The following KLHL31 variants were observed in gnomAD, a reference collection of about 807,000 sequenced individuals.
KLHL31 encodes the protein kelch-like protein 31.
Under a neutral mutation model 47.1 loss-of-function variants are expected in KLHL31, and 32 were observed. That is an observed-to-expected ratio of 0.68 (90% CI 0.51 to 0.91). The LOEUF is 0.91. Ranked by LOEUF, KLHL31 falls within the 40% of genes least tolerant of loss-of-function variation. The pLI, the probability that KLHL31 is intolerant of heterozygous loss-of-function variation, is 0.00. For missense variants in KLHL31, 797 were observed against 819.3 expected (o/e 0.97, Z 0.33); for synonymous variants, 330 against 325.1 (o/e 1.01, Z -0.16).
intron 1 of KLHL31, among the ~76,000 whole-genome samples, chr6:53,660,525 G>C (rs967051915): frequency 6.6e-6 from 1 of 152,162 alleles, no homozygotes; most frequent in African/African-American, 2.4e-5. Flanking sequence ...TAAGAAACTT[G>C]AAGTCAGGCT....
rs541366103 is a variant in KLHL31, at chr6:53,665,190, G to T, written c.-34+411C>A. 1.1e-3 allele frequency among the ~76,000 whole-genome samples: 170 copies of T among 152,092 alleles called. 1 individual carries two copies. Among genetic ancestry groups the T allele is most frequent in the South Asian group, 2.7e-3 (13 of 4,816 alleles). ...ACTGATCAGTAACAAATGTTAAAATGATTCTTGATAAAAATAAAGGTAGAA... is the reference window on the plus strand; with the variant it reads ...ACTGATCAGTAACAAATGTTAAAATTATTCTTGATAAAAATAAAGGTAGAA... On this transcript the variant is annotated intron_variant, in intron 1 of 2. Transcript: ENST00000370905.
At chr6:53,657,542 T>C (rs1170780349) in intron 1 of KLHL31, among the ~76,000 whole-genome samples, 1 of 152,128 alleles carries the variant, frequency 6.6e-6, no homozygotes, top group African/African-American at 2.4e-5. Context: ...ATATCATACA[T>C]TGTTCAACTA....
At chr6:53,658,699 C>T (rs753034473) in intron 1 of KLHL31, among the ~76,000 whole-genome samples, 2 of 151,772 alleles carry the variant, frequency 1.3e-5, no homozygotes, top group African/African-American at 2.4e-5. Context: ...CTTTGTGATC[C>T]GAATAGAATT....
chr6:53,659,295 T>TA (rs764605208), intron 1 of KLHL31, among the ~76,000 whole-genome samples: 1 of 152,162 alleles, frequency 6.6e-6, no homozygotes, highest in Admixed American at 6.5e-5. Context: ...ATGAGATTTT[T>TA]AAAAAACACC....
In KLHL31 at chr6:53,651,794, A is replaced by G. The variant is rs767600623; in HGVS notation, c.1709T>C (p.Val570Ala). ...CTTCTCGCCCTCGTTCCAGCCCCCC[A>G]CCAGGTAGGCGCGGCCATGCAGCGC... ...VSALHGRAYL[V>A]GGWNEGEKKY... The change falls in exon 3 of 3, where the codon GTG becomes GCG. Residue 570 changes from valine (V) to alanine (A), a missense_variant. Transcript: ENST00000370905. The G allele has an allele frequency of 1.2e-5, 20 of 1,613,178 alleles. No homozygotes were observed. The highest frequency in any genetic ancestry group is 4.5e-5 in the East Asian group (2 of 44,852).
intron 1 of KLHL31, among the ~76,000 whole-genome samples, chr6:53,658,510 G>A (rs568113865): frequency 1.3e-5 from 2 of 152,114 alleles, no homozygotes; most frequent in African/African-American, 2.4e-5. Flanking sequence ...TGCTGGACCT[G>A]GGTCCCAGCA....
chr6:53,660,096 C>G lies in KLHL31; in HGVS notation c.-33-4791G>C, dbSNP rs548549334. ...CGAGCTAACCAGTTAATGGGCAGAT[C>G]TACTCTTTTTCCCGGATATGCATGG... On this transcript the variant is annotated intron_variant, in intron 1 of 2. Transcript: ENST00000370905. Among the ~76,000 whole-genome samples the G allele has an allele frequency of 2.3e-3, 348 of 152,264 alleles. 3 individuals are homozygous for G. Among genetic ancestry groups the G allele is most frequent in the African/African-American group, 8.1e-3 (336 of 41,554 alleles).
Position 53,651,751 on chromosome 6 carries a change from G to A in KLHL31, c.1752C>T (p.Ile584=). ...CGTTGAGCTCGGGGCTGAAGCACTG[G>A]ATGCACTTCTTGTACTTCTTCTCGC... ...NEGEKKYKKC[I]QCFSPELNEW... Residue 584 remains isoleucine, a synonymous_variant, in exon 3 of 3, where the codon ATC becomes ATT. Transcript: ENST00000370905. 2 of 1,614,096 alleles carry A rather than the reference G, an allele frequency of 1.2e-6. No individual in the cohort carries two copies. The highest frequency in any genetic ancestry group is 1.7e-6 in the Non-Finnish European group (2 of 1,180,028).
rs114563505 is a variant in KLHL31 at position 53,652,936 on chromosome 6, C to A, written c.1173-606G>T. Among the ~76,000 whole-genome samples, 1,183 of 152,250 alleles carry A rather than the reference C, an allele frequency of 7.8e-3. 17 individuals are homozygous for A. The highest frequency in any genetic ancestry group is 0.026 in the African/African-American group (1,099 of 41,540). ...CTTCTCTTGTCTGTTAGACTGAGAC[C>A]AATAGAACTGTCTAAAAGCATCAAC... On this transcript the variant is annotated intron_variant, in intron 2 of 2. Coordinates refer to ENST00000370905, the MANE Select transcript of KLHL31 (RefSeq NM_001003760.5).
At position 53,655,030 on chromosome 6, in the gene KLHL31, G is replaced by A. The variant is rs993907256; in HGVS notation, c.243C>T (p.Thr81=). ...CTGACTTATGAACATCAAAGGATTT[G>A]GTTTTGGTACCAATGACTAAGTCAC... ...FLCDLVIGTK[T]KSFDVHKSVM... Residue 81 remains threonine, a synonymous_variant, in exon 2 of 3, where the codon ACC becomes ACT. Transcript: ENST00000370905. The A allele has an allele frequency of 2.5e-6, 4 of 1,613,982 alleles. No individual in the cohort carries two copies. The African/African-American group carries it at 5.3e-5, about 22-fold the overall frequency.
intron 1 of KLHL31, among the ~76,000 whole-genome samples, chr6:53,656,426 A>C (rs1296979291): frequency 6.6e-6 from 1 of 152,204 alleles, no homozygotes. Context: ...ATTCAGTGGA[A>C]TAAGATAAGA....
At chr6:53,658,525 C>A (rs1764602978) in intron 1 of KLHL31, among the ~76,000 whole-genome samples, 1 of 152,058 alleles carries the variant, frequency 6.6e-6, no homozygotes, top group Non-Finnish European at 1.5e-5. Flanking sequence ...CCAGCAGTCC[C>A]CCTAAGGTAC....
At chr6:53,656,580 A>G (rs934394827) in intron 1 of KLHL31, among the ~76,000 whole-genome samples, 5 of 152,126 alleles carry the variant, frequency 3.3e-5, no homozygotes, top group Non-Finnish European at 7.4e-5. Context: ...GTAAGTATAT[A>G]TATTAAGATA....
At chr6:53,660,589 G>A (rs1764630370) in intron 1 of KLHL31, among the ~76,000 whole-genome samples, 1 of 152,136 alleles carries the variant, frequency 6.6e-6, no homozygotes, top group Non-Finnish European at 1.5e-5. Flanking sequence ...CGAGGCGGGT[G>A]GATCACTTGA....
Position 53,650,831 on chromosome 6 carries a change from C to T in KLHL31, c.*767G>A, listed in dbSNP as rs1488611836. 1 of 152,112 alleles carries T rather than the reference C, an allele frequency of 6.6e-6. No homozygotes were observed. Among genetic ancestry groups the T allele is most frequent in the East Asian group, 1.9e-4 (1 of 5,196 alleles). 9.4% of individuals were successfully genotyped at this position (152,112 alleles called of 1,614,324 possible). On this transcript the variant is annotated 3_prime_UTR_variant, in exon 3 of 3. Coordinates refer to ENST00000370905, the MANE Select transcript of KLHL31 (RefSeq NM_001003760.5). ...CCTTCTAGTTGAAACAACCAAATGA[C>T]TTAAATTTATGCTATAAATTAAATG...
In KLHL31 at chr6:53,652,202, G is replaced by A. The variant is rs1364348162; in HGVS notation, c.1301C>T (p.Ala434Val). The change falls in exon 3 of 3, where the codon GCC (alanine) becomes GTC (valine). Residue 434 changes from alanine (A) to valine (V), a missense_variant. Coordinates refer to ENST00000370905, the MANE Select transcript of KLHL31 (RefSeq NM_001003760.5). ...AGGRNAEGSL[A>V]SLECYVPSTN... ...GGAGGGCACGTAGCACTCCAGCGAG[G>A]CCAGGCTTCCTTCTGCGTTGCGGCC... 4 of 1,612,698 alleles carry A rather than the reference G, an allele frequency of 2.5e-6. No homozygotes were observed. Among genetic ancestry groups the A allele is most frequent in the Non-Finnish European group, 3.4e-6 (4 of 1,180,024 alleles).
At chr6:53,661,129 A>T (rs967615275) in intron 1 of KLHL31, among the ~76,000 whole-genome samples, 1 of 152,194 alleles carries the variant, frequency 6.6e-6, no homozygotes, top group Non-Finnish European at 1.5e-5. Context: ...CCTATGTCCT[A>T]ATAAATGCTC....
intron 2 of KLHL31, 152 bp from the exon 3 acceptor site, chr6:53,652,482 C>T: frequency 1.1e-6 from 1 of 877,214 alleles, no homozygotes; most frequent in Non-Finnish European, 1.7e-6. Context: ...GAGTTTCTCT[C>T]TCAGCCAGTA....
In KLHL31 at chr6:53,650,502, A is replaced by G. The variant is rs537345442; in HGVS notation, c.*1096T>C. On this transcript the variant is annotated 3_prime_UTR_variant, in exon 3 of 3. Transcript: ENST00000370905. ...TATTAAATGGGAAACAATGGCATTT[A>G]TCAACAGGAGAACCCATTCATCCAG... The G allele has an allele frequency of 3.3e-5, 5 of 152,378 alleles. No individual in the cohort carries two copies. The highest frequency in any genetic ancestry group is 1.2e-4 in the African/African-American group (5 of 41,590). The allele number at this position is 152,378 out of a possible 1,614,324, so 9.4% of individuals were successfully genotyped here.
Sources: allele counts gnomAD v4.1 joint callset (sites outside exome capture counted in the v4.1 genomes callset), GRCh38; gene constraint gnomAD v4.1.1; transcripts MANE v1.5; gene names NCBI Gene and HGNC (gene_info 2026-07-23, HGNC 2026-07-21).